Variants in PPP1R12B observed in about 807,000 individuals in gnomAD.
PPP1R12B encodes the protein protein phosphatase 1 regulatory subunit 12B.
A neutral mutation model predicts 126.1 loss-of-function variants in PPP1R12B; 76 were observed. The ratio of observed to expected loss-of-function variants is 0.60; its 90% CI spans 0.50 to 0.73. The LOEUF is 0.73. PPP1R12B is among the 30% of genes least tolerant of loss of function. The pLI, the probability that PPP1R12B is intolerant of heterozygous loss-of-function variation, is 0.00. For synonymous variants in PPP1R12B, 356 were observed against 434.7 expected (o/e 0.82, Z 2.25); for missense variants, 1,052 against 1,205.1 (o/e 0.87, Z 1.88).
intron 13 of PPP1R12B, among the ~76,000 whole-genome samples, chr1:202,486,914 T>A (rs186829888): frequency 6.6e-6 from 1 of 152,330 alleles, no homozygotes; most frequent in Non-Finnish European, 1.5e-5. Flanking sequence ...CACAAATTCT[T>A]ACAGAAATAG....
At position 202,437,833 on chromosome 1, in the gene PPP1R12B, C is replaced by A; in HGVS notation, c.1267C>A (p.Leu423Ile). 2 of 1,610,776 alleles carry A rather than the reference C, an allele frequency of 1.2e-6. No homozygotes were observed. The highest frequency in any genetic ancestry group is 1.1e-5 in the South Asian group (1 of 90,798). ...GCTTCTCTCATAGTTCTCTTCTGGCCTTTTTAACAAGCCAGAAGAGCCCAA... is the reference window on the plus strand; with the variant it reads ...GCTTCTCTCATAGTTCTCTTCTGGCATTTTTAACAAGCCAGAAGAGCCCAA... ...ASSARRFSSG[L>I]FNKPEEPKDE... The change falls in exon 10 of 24, where the codon CTT (leucine) becomes ATT (isoleucine). Residue 423 changes from leucine to isoleucine, a missense_variant. Coordinates refer to ENST00000608999, the MANE Select transcript of PPP1R12B (RefSeq NM_002481.4).
At chr1:202,470,081 G>A (rs932575628) in intron 13 of PPP1R12B, among the ~76,000 whole-genome samples, 3 of 152,180 alleles carry the variant, frequency 2.0e-5, no homozygotes, top group Non-Finnish European at 4.4e-5. Context: ...GCTGGAGACC[G>A]ATTTCTAGGA....
At chr1:202,454,777 AAAATT>A (rs990640644) in intron 13 of PPP1R12B, among the ~76,000 whole-genome samples, 16 of 152,090 alleles carry the variant, frequency 1.1e-4, no homozygotes, top group African/African-American at 3.4e-4. Context: ...CTACAAAAAT[AAAATT>A]AACTGGGTGG....
At chr1:202,436,562 G>A (rs186223722) in intron 9 of PPP1R12B, among the ~76,000 whole-genome samples, 2 of 152,294 alleles carry the variant, frequency 1.3e-5, no homozygotes, top group South Asian at 2.1e-4. Context: ...AAAAGGTCCT[G>A]GACCTCAGGA....
At chr1:202,359,170 A>T (rs960074307) in intron 1 of PPP1R12B, among the ~76,000 whole-genome samples, 2 of 151,684 alleles carry the variant, frequency 1.3e-5, no homozygotes, top group Non-Finnish European at 2.9e-5. Flanking sequence ...TTGAGATGGA[A>T]TTTCACTCTT....
chr1:202,435,190 A>T (rs1486656086), intron 9 of PPP1R12B, among the ~76,000 whole-genome samples: 1 of 152,234 alleles, frequency 6.6e-6, no homozygotes, highest in Non-Finnish European at 1.5e-5. Context: ...AAATATAGTC[A>T]CATTGGGAAT....
At chr1:202,566,636 A>T (rs1275963839) in intron 21 of PPP1R12B, among the ~76,000 whole-genome samples, 1 of 152,216 alleles carries the variant, frequency 6.6e-6, no homozygotes, top group Non-Finnish European at 1.5e-5. Flanking sequence ...AAGACTTACG[A>T]GGATATTAAC....
At chr1:202,476,357 TA>T (rs2148807509) in intron 13 of PPP1R12B, among the ~76,000 whole-genome samples, 1 of 151,340 alleles carries the variant, frequency 6.6e-6, no homozygotes, top group African/African-American at 2.4e-5. Flanking sequence ...ATTATGTTTT[TA>T]TATATTATAA....
At chr1:202,515,945 C>T (rs959693340) in intron 18 of PPP1R12B, among the ~76,000 whole-genome samples, 11 of 152,114 alleles carry the variant, frequency 7.2e-5, no homozygotes, top group Non-Finnish European at 8.8e-5. Flanking sequence ...TGAGATTTAG[C>T]GAGAGAGGCA....
At chr1:202,406,006 T>C (rs974693869) in intron 1 of PPP1R12B, among the ~76,000 whole-genome samples, 1 of 152,238 alleles carries the variant, frequency 6.6e-6, no homozygotes, top group African/African-American at 2.4e-5. Context: ...CTGTAATTTC[T>C]TTGTGGCATT....
intron 1 of PPP1R12B, among the ~76,000 whole-genome samples, chr1:202,399,538 C>T (rs1665508409): frequency 6.6e-6 from 1 of 151,370 alleles, no homozygotes; most frequent in South Asian, 2.1e-4. Flanking sequence ...GCTCTGTCGC[C>T]CAGGCTGGAG....
chr1:202,457,522 C>T (rs569655507), intron 13 of PPP1R12B, among the ~76,000 whole-genome samples: 1 of 149,042 alleles, frequency 6.7e-6, no homozygotes, highest in South Asian at 2.1e-4. Flanking sequence ...CATTGCTCTC[C>T]AGCCTGGGAG....
chr1:202,547,242 G>A (rs1045821308), intron 18 of PPP1R12B, among the ~76,000 whole-genome samples: 21 of 152,168 alleles, frequency 1.4e-4, no homozygotes, highest in African/African-American at 5.1e-4. Context: ...ATTTGGGTGA[G>A]CTGGCAATTT....
chr1:202,440,923 T>G, intron 11 of PPP1R12B, 135 bp downstream of exon 11: 1 of 679,320 alleles, frequency 1.5e-6, no homozygotes. Flanking sequence ...TTCCTTCTGC[T>G]TAGAACACCT....
chr1:202,560,543 A>G (rs1206542299), intron 19 of PPP1R12B, among the ~76,000 whole-genome samples: 1 of 152,174 alleles, frequency 6.6e-6, no homozygotes, highest in Admixed American at 6.5e-5. Flanking sequence ...GGAGTGTAGC[A>G]GTGAGGATGA....
intron 18 of PPP1R12B, among the ~76,000 whole-genome samples, chr1:202,530,265 C>T (rs892045729): frequency 1.2e-4 from 19 of 152,140 alleles, no homozygotes; most frequent in African/African-American, 3.6e-4. Context: ...GTAGCACCCT[C>T]CAATCATTGT....
chr1:202,418,577 C>G (rs1357361043), intron 2 of PPP1R12B, among the ~76,000 whole-genome samples: 1 of 151,930 alleles, frequency 6.6e-6, no homozygotes, highest in Non-Finnish European at 1.5e-5. Context: ...ACAAATATTA[C>G]CTTGAATGAA....
At chr1:202,518,184 A>C (rs761708665) in intron 18 of PPP1R12B, among the ~76,000 whole-genome samples, 4 of 152,250 alleles carry the variant, frequency 2.6e-5, no homozygotes, top group Non-Finnish European at 4.4e-5. Flanking sequence ...AATTGTTATC[A>C]CAAGGTATGT....
chr1:202,483,102 C>T (rs1332532785), intron 13 of PPP1R12B, among the ~76,000 whole-genome samples: 1 of 152,154 alleles, frequency 6.6e-6, no homozygotes, highest in African/African-American at 2.4e-5. Flanking sequence ...CATTGGTCTA[C>T]GTGTCTGTTT....
Sources: gnomAD v4.1 joint callset for allele counts (sites outside exome capture counted in the v4.1 genomes callset) on GRCh38, gnomAD v4.1.1 for gene constraint, MANE v1.5 for transcripts, NCBI Gene and HGNC (gene_info 2026-07-23, HGNC 2026-07-21) for gene names.